Variants in RAB37 observed in about 807,000 individuals in gnomAD.
RAB37 encodes ras-related protein Rab-37.
Under a neutral mutation model 33.1 loss-of-function variants are expected in RAB37, and 29 were observed. That is an observed-to-expected ratio of 0.88 (90% CI 0.65 to 1.20). The LOEUF is 1.20. RAB37 is among the 50% of genes most tolerant of loss of function. The probability of loss-of-function intolerance (pLI) is 0.00; values close to 1 mark genes in which losing one functional copy is unlikely to be tolerated. For synonymous variants in RAB37, 128 were observed against 119.5 expected (o/e 1.07, Z -0.47); for missense variants, 299 against 301.1 (o/e 0.99, Z 0.05).
intron 1 of RAB37, chr17:74,698,270 C>A (rs1050521840): frequency 3.4e-6 from 3 of 885,186 alleles, no homozygotes; most frequent in Non-Finnish European, 5.4e-6. Context: ...GTGCCATTTC[C>A]TGATTGTGTG....
At chr17:74,724,471 G>A (rs1260843800) in intron 1 of RAB37, among the ~76,000 whole-genome samples, 1 of 152,164 alleles carries the variant, frequency 6.6e-6, no homozygotes, top group African/African-American at 2.4e-5. Flanking sequence ...TGATTTTGGG[G>A]GCCTAAGATA....
At chr17:74,695,571 C>T (rs1222348563) in intron 1 of RAB37, among the ~76,000 whole-genome samples, 1 of 152,166 alleles carries the variant, frequency 6.6e-6, no homozygotes, top group Non-Finnish European at 1.5e-5. Context: ...CCTGTGGGAG[C>T]TCCTAGGCGA....
At position 74,729,367 on chromosome 17, in the gene RAB37, G is replaced by T; in HGVS notation, c.183+1G>T. On this transcript the variant is annotated splice_donor_variant, in intron 2 of 7. Coordinates refer to the RAB37 transcript ENST00000340415. LOFTEE classifies it high-confidence loss of function. This position sits in a 1 kb window ranked among gnomAD's most constrained non-coding sequence, Gnocchi z 4.2. ...GGCCACTGTGGGCATCGGATTCACG[G>T]TAAGCACTGGCCGGCACTGCCAGCT... 1 of 1,610,512 alleles carries T rather than the reference G, an allele frequency of 6.2e-7. No individual in the cohort carries two copies. Among genetic ancestry groups the T allele is most frequent in the South Asian group, 1.1e-5 (1 of 91,030 alleles).
intron 1 of RAB37, among the ~76,000 whole-genome samples, chr17:74,678,389 T>C (rs975203590): frequency 5.3e-5 from 8 of 152,112 alleles, no homozygotes; most frequent in Admixed American, 6.6e-5. Flanking sequence ...GAAAATAACT[T>C]GAGACGTGCA....
intron 1 of RAB37, among the ~76,000 whole-genome samples, chr17:74,693,713 G>A (rs1185655494): frequency 6.6e-6 from 1 of 152,122 alleles, no homozygotes; most frequent in African/African-American, 2.4e-5. Context: ...CAGATCACTT[G>A]AGGCCAGGAG....
In RAB37 at chr17:74,743,234, T is replaced by C. The variant is rs770449057; in HGVS notation, c.313+39T>C. The stretch of plus-strand genomic sequence containing the variant: ...ACCCTCCAACCCCTACCCCAGCCCC[T>C]TGGTAGCATCCGTGCTGCTGCCTAA... On this transcript the variant is annotated intron_variant, in intron 4 of 8. Coordinates refer to ENST00000392613, the MANE Select transcript of RAB37 (RefSeq NM_001006638.3). The C allele has an allele frequency of 1.5e-5, 25 of 1,613,504 alleles. No homozygotes were observed. The South Asian group carries it at 2.6e-4, about 17-fold the overall frequency.
In RAB37 at chr17:74,680,991, G is replaced by T. The variant is rs547856611; in HGVS notation, c.72+9333G>T. Among the ~76,000 whole-genome samples, 6 of 152,290 alleles carry T rather than the reference G, an allele frequency of 3.9e-5. No individual in the cohort carries two copies. The East Asian group carries it at 1.2e-3, about 29-fold the overall frequency. On this transcript the variant is annotated intron_variant, in intron 1 of 7. Transcript: ENST00000340415. ...CCCTTGAAATCTGATATTTCTGCCT[G>T]AGAATCCTGAGAATCAATTCAGCAA...
intron 1 of RAB37, chr17:74,712,991 G>A: frequency 3.1e-6 from 3 of 963,710 alleles, no homozygotes; most frequent in Non-Finnish European, 4.8e-6. Flanking sequence ...CACTTCCCAT[G>A]GGTGAAAGAG....
upstream of RAB37, among the ~76,000 whole-genome samples, chr17:74,733,495 G>A (rs2034421644): frequency 6.6e-6 from 1 of 151,952 alleles, no homozygotes; most frequent in Non-Finnish European, 1.5e-5. Context: ...TGTGTGGTGT[G>A]ATTTGAGGTG....
At chr17:74,686,249 G>T (rs1202430687) in intron 1 of RAB37, among the ~76,000 whole-genome samples, 2 of 151,940 alleles carry the variant, frequency 1.3e-5, no homozygotes, top group South Asian at 4.2e-4. Context: ...ACGCCACCAT[G>T]CCTGGCTAAT....
At chr17:74,720,406 G>A (rs763092596) in intron 1 of RAB37, among the ~76,000 whole-genome samples, 65 of 152,094 alleles carry the variant, frequency 4.3e-4, no homozygotes, top group Non-Finnish European at 8.7e-4. Flanking sequence ...CCAACATGGC[G>A]AAACCCCATC....
chr17:74,704,425 A>C, intron 1 of RAB37: 2 of 1,274,742 alleles, frequency 1.6e-6, no homozygotes, highest in Non-Finnish European at 2.2e-6. Flanking sequence ...GACCTCAGAG[A>C]CCAGGACAGA....
At position 74,704,764 on chromosome 17, in the gene RAB37, C is replaced by T. The variant is rs147073900; in HGVS notation, c.73-24492C>T. ...CACACTGCACGGTCAAGGAGCCCCG[C>T]TCCAAGCCATTCACTGTTGTTGGAC... On this transcript the variant is annotated intron_variant, in intron 1 of 7. Transcript: ENST00000340415. 113 of 1,614,172 alleles carry T rather than the reference C, an allele frequency of 7.0e-5. No individual in the cohort carries two copies. The African/African-American group carries it at 1.4e-3, about 21-fold the overall frequency.
intron 1 of RAB37, among the ~76,000 whole-genome samples, chr17:74,717,066 C>T (rs990520388): frequency 7.2e-5 from 11 of 152,120 alleles, no homozygotes; most frequent in Non-Finnish European, 1.5e-4. Flanking sequence ...ACCTGGGAGG[C>T]AGAGGTTGCA....
upstream of RAB37, among the ~76,000 whole-genome samples, chr17:74,735,606 C>G (rs971700687): frequency 1.9e-4 from 29 of 152,208 alleles, no homozygotes; most frequent in Admixed American, 8.5e-4. Context: ...AAATAGCAAC[C>G]AACACCACGC....
At chr17:74,706,971 A>G (rs1284231739) in intron 1 of RAB37, among the ~76,000 whole-genome samples, 1 of 152,246 alleles carries the variant, frequency 6.6e-6, no homozygotes, top group African/African-American at 2.4e-5. Context: ...ATCTCACAAC[A>G]TATACAAAAA....
chr17:74,719,481 T>C, intron 1 of RAB37, among the ~76,000 whole-genome samples: 1 of 152,126 alleles, frequency 6.6e-6, no homozygotes, highest in Non-Finnish European at 1.5e-5. Context: ...AATAAAATAA[T>C]TTGCTCACAA....
intron 1 of RAB37, among the ~76,000 whole-genome samples, chr17:74,681,723 A>T (rs541446586): frequency 9.2e-5 from 14 of 152,200 alleles, no homozygotes; most frequent in Non-Finnish European, 1.8e-4. Flanking sequence ...AGCATAGCAT[A>T]GGCCCTGACC....
chr17:74,692,374 G>A (rs1360035152), intron 1 of RAB37, among the ~76,000 whole-genome samples: 4 of 152,190 alleles, frequency 2.6e-5, no homozygotes, highest in East Asian at 3.9e-4. Flanking sequence ...CCCCCAGAGC[G>A]GAAAAGCCCT....
Sources: allele counts gnomAD v4.1 joint callset (sites outside exome capture counted in the v4.1 genomes callset), GRCh38; gene constraint gnomAD v4.1.1; non-coding constraint Gnocchi (gnomAD v3.1); transcripts MANE v1.5; gene names NCBI Gene and HGNC (gene_info 2026-07-23, HGNC 2026-07-21).